The following SSPN variants were observed in gnomAD, a reference collection of about 807,000 sequenced individuals.
SSPN encodes the protein sarcospan.
A neutral mutation model predicts 19.1 loss-of-function variants in SSPN; 15 were observed. The observed-to-expected ratio is 0.78, with a 90% confidence interval of 0.52 to 1.21. The LOEUF (loss-of-function observed/expected upper bound fraction) is 1.21, where lower values mean the gene tolerates loss of function less well. Among genes scored for constraint, SSPN ranks in the 50% most tolerant of loss-of-function variants. The probability of loss-of-function intolerance (pLI) is 0.00; values close to 1 mark genes in which losing one functional copy is unlikely to be tolerated. For synonymous variants in SSPN, 147 were observed against 140.3 expected (o/e 1.05, Z -0.34); for missense variants, 291 against 314.0 (o/e 0.93, Z 0.55).
At chr12:26,123,287 T>G in intron 1 of SSPN, 19 of 1,307,052 alleles carry the variant, frequency 1.5e-5, no homozygotes, top group Non-Finnish European at 1.8e-5. Context: ...ATCTCGGTTT[T>G]TCCCCAGTAT....
At chr12:26,206,163 T>C (rs1591880667) in intron 1 of SSPN, among the ~76,000 whole-genome samples, 1 of 152,198 alleles carries the variant, frequency 6.6e-6, no homozygotes, top group South Asian at 2.1e-4. Flanking sequence ...AAGCTCAGTG[T>C]CTGGCTAACC....
chr12:26,131,836 G>A (rs1944398908), intron 1 of SSPN, among the ~76,000 whole-genome samples: 1 of 152,210 alleles, frequency 6.6e-6, no homozygotes, highest in African/African-American at 2.4e-5. Flanking sequence ...ACAAACTCAG[G>A]CTCAGAGACC....
intron 1 of SSPN, among the ~76,000 whole-genome samples, chr12:26,174,503 C>CCCTTCCTT (rs1555177709): frequency 1.4e-4 from 18 of 124,392 alleles, no homozygotes; most frequent in South Asian, 3.1e-4. Context: ...TTCCTTCCTT[C>CCCTTCCTT]CCTTCCTTCC....
At chr12:26,150,070 G>T (rs137884982) in intron 1 of SSPN, among the ~76,000 whole-genome samples, 1 of 152,184 alleles carries the variant, frequency 6.6e-6, no homozygotes. Context: ...GTTTCTGGCC[G>T]ACTGAACACC....
chr12:26,201,052 A>G (rs1161109644), intron 1 of SSPN, among the ~76,000 whole-genome samples: 13 of 127,512 alleles, frequency 1.0e-4, no homozygotes, highest in Admixed American at 9.2e-4. Context: ...TATATTATAT[A>G]TATATATTTG....
At chr12:26,157,615 T>C (rs948235304) in intron 1 of SSPN, among the ~76,000 whole-genome samples, 6 of 152,232 alleles carry the variant, frequency 3.9e-5, no homozygotes, top group African/African-American at 1.4e-4. Flanking sequence ...CCCAGACTTT[T>C]GCGCTAGGCT....
chr12:26,188,371 A>T (rs951874549), intron 1 of SSPN, among the ~76,000 whole-genome samples: 1 of 152,236 alleles, frequency 6.6e-6, no homozygotes, highest in African/African-American at 2.4e-5. Context: ...CAGGGAGGTA[A>T]GTCCATGGAA....
At chr12:26,188,289 C>T (rs1045090770) in intron 1 of SSPN, among the ~76,000 whole-genome samples, 1 of 152,028 alleles carries the variant, frequency 6.6e-6, no homozygotes, top group Admixed American at 6.5e-5. Context: ...AAAAAGAACA[C>T]GACCCACAAG....
At chr12:26,220,909 CAG>C (rs1945113466) in intron 1 of SSPN, among the ~76,000 whole-genome samples, 1 of 152,192 alleles carries the variant, frequency 6.6e-6, no homozygotes, top group Admixed American at 6.5e-5. Context: ...TACCTGAGCT[CAG>C]ACACTTATCA....
intron 1 of SSPN, among the ~76,000 whole-genome samples, chr12:26,140,953 C>T (rs917960113): frequency 6.6e-6 from 1 of 152,120 alleles, no homozygotes; most frequent in Non-Finnish European, 1.5e-5. Flanking sequence ...GCTCCTGCCA[C>T]TTTTTTGCTT....
At chr12:26,154,874 A>G (rs1046831981) in intron 1 of SSPN, among the ~76,000 whole-genome samples, 1 of 152,112 alleles carries the variant, frequency 6.6e-6, no homozygotes, top group Admixed American at 6.5e-5. Context: ...TATATGAGAA[A>G]GTAGTGGGGT....
At chr12:26,166,389 C>T (rs1032310096) in intron 1 of SSPN, among the ~76,000 whole-genome samples, 3 of 152,170 alleles carry the variant, frequency 2.0e-5, no homozygotes, top group African/African-American at 4.8e-5. Context: ...TGCCTGAACT[C>T]GGAAATGTAG....
At chr12:26,159,673 G>T (rs1256530091) in intron 1 of SSPN, among the ~76,000 whole-genome samples, 1 of 152,218 alleles carries the variant, frequency 6.6e-6, no homozygotes, top group African/African-American at 2.4e-5. Flanking sequence ...ATGTGTGAAT[G>T]CAGGAATAGG....
intron 1 of SSPN, among the ~76,000 whole-genome samples, chr12:26,166,496 C>A (rs937026523): frequency 3.3e-5 from 5 of 152,230 alleles, no homozygotes; most frequent in Non-Finnish European, 7.3e-5. Flanking sequence ...CTGCTCATGA[C>A]CTTTGGCCCA....
chr12:26,124,316 C>G, intron 1 of SSPN: 1 of 671,622 alleles, frequency 1.5e-6, no homozygotes, highest in Non-Finnish European at 2.5e-6. Flanking sequence ...AAACCTCTTT[C>G]CTCTGGACTG....
intron 1 of SSPN, among the ~76,000 whole-genome samples, chr12:26,148,011 A>G (rs1193109727): frequency 1.3e-5 from 2 of 152,254 alleles, no homozygotes; most frequent in Non-Finnish European, 2.9e-5. Context: ...ATTTTATAAA[A>G]CAGACATGGC....
At chr12:26,212,850 G>C (rs528789163) in intron 1 of SSPN, among the ~76,000 whole-genome samples, 59 of 151,848 alleles carry the variant, frequency 3.9e-4, no homozygotes, top group Non-Finnish European at 7.5e-4. Context: ...TAGATAAAAT[G>C]AAGAAAAAAC....
chr12:26,126,095 G>C (rs1944362112), intron 1 of SSPN: 1 of 152,224 alleles, frequency 6.6e-6, no homozygotes. Flanking sequence ...ATCACTGCTC[G>C]GGGAACCCGT....
chr12:26,195,496 C>G (rs113819537), upstream of SSPN: 276,127 of 1,136,088 alleles, frequency 0.24, 34,767 homozygotes, highest in South Asian at 0.33. Context: ...CGAATCCCCC[C>G]TCTGCTGCGG....
Sources: allele counts gnomAD v4.1 joint callset (sites outside exome capture counted in the v4.1 genomes callset), GRCh38; gene constraint gnomAD v4.1.1; transcripts MANE v1.5; gene names NCBI Gene and HGNC (gene_info 2026-07-23, HGNC 2026-07-21).